AMBRA1: variants seen among roughly 807,000 people sequenced by gnomAD.
AMBRA1 encodes autophagy and beclin 1 regulator 1, also known as activating molecule in BECN1-regulated autophagy protein 1.
A neutral mutation model predicts 125.4 loss-of-function variants in AMBRA1; 47 were observed. That is an observed-to-expected ratio of 0.37 (90% confidence interval 0.30 to 0.48). The LOEUF (loss-of-function observed/expected upper bound fraction) is 0.48. AMBRA1 is among the 20% of genes least tolerant of loss of function. AMBRA1 has a pLI of 0.99. For synonymous variants in AMBRA1, 626 were observed against 655.5 expected, an observed-to-expected ratio of 0.95 and a Z score of 0.69; for missense variants, 1,331 against 1,693.4, an observed-to-expected ratio of 0.79 and a Z score of 3.76.
rs143394285 is a variant in AMBRA1, at chr11:46,510,522, A to G, written c.2160-2152T>C. Among the ~76,000 whole-genome samples the G allele has an allele frequency of 6.3e-3, 959 of 152,344 alleles. 12 individuals are homozygous for G. Among genetic ancestry groups the G allele is most frequent in the African/African-American group, 0.022 (912 of 41,574 alleles). On this transcript the variant is annotated intron_variant, in intron 8 of 17. Coordinates refer to ENST00000683756, the MANE Select transcript of AMBRA1 (RefSeq NM_001387011.1). The stretch of plus-strand genomic sequence containing the variant: ...TATTTGGAACCGATTCTGAAAAGTG[A>G]TAAGTACACTTACTTTATAGGCTAC...
At chr11:46,526,330 TC>T (rs1265912315) in intron 7 of AMBRA1, among the ~76,000 whole-genome samples, 1 of 151,908 alleles carries the variant, frequency 6.6e-6, no homozygotes, top group Non-Finnish European at 1.5e-5. Context: ...CCTTGTGTGG[TC>T]CCCTCCCACA....
At chr11:46,523,137 C>T (rs371104625) in intron 7 of AMBRA1, among the ~76,000 whole-genome samples, 1 of 152,218 alleles carries the variant, frequency 6.6e-6, no homozygotes, top group East Asian at 1.9e-4. Context: ...AAACAATCCA[C>T]TGTTAGCCCT....
intron 12 of AMBRA1, among the ~76,000 whole-genome samples, chr11:46,435,711 C>G (rs1352723047): frequency 6.6e-6 from 1 of 152,198 alleles, no homozygotes; most frequent in Non-Finnish European, 1.5e-5. Flanking sequence ...CATGACAGCC[C>G]TAGTCTGCAC....
intron 15 of AMBRA1, among the ~76,000 whole-genome samples, chr11:46,413,610 C>T (rs1004709577): frequency 6.6e-6 from 1 of 152,202 alleles, no homozygotes; most frequent in African/African-American, 2.4e-5. Context: ...CCTGCCTCAG[C>T]CTCCCGAGTA....
At chr11:46,585,160 G>A (rs190766278) in intron 1 of AMBRA1, among the ~76,000 whole-genome samples, 88 of 152,148 alleles carry the variant, frequency 5.8e-4, no homozygotes, top group African/African-American at 1.8e-3. Context: ...CAGCATGCTC[G>A]TTAAGAGTCA....
intron 11 of AMBRA1, among the ~76,000 whole-genome samples, chr11:46,484,867 G>A (rs570174789): frequency 4.8e-4 from 72 of 150,780 alleles, no homozygotes; most frequent in African/African-American, 1.6e-3. Flanking sequence ...GGATGATCTC[G>A]ATCTCCTGAC....
intron 1 of AMBRA1, among the ~76,000 whole-genome samples, chr11:46,589,942 A>G (rs1217299842): frequency 6.6e-6 from 1 of 152,050 alleles, no homozygotes; most frequent in African/African-American, 2.4e-5. Flanking sequence ...CAACTTAAAC[A>G]GACAACATTC....
At position 46,397,851 on chromosome 11, in the gene AMBRA1, G is replaced by A. The variant is rs770437654; in HGVS notation, c.3496C>T (p.Arg1166Trp). 6 of 1,601,390 alleles carry A rather than the reference G, an allele frequency of 3.7e-6. No individual in the cohort carries two copies. The highest frequency in any genetic ancestry group is 1.7e-5 in the Admixed American group (1 of 60,000). Residue 1166 changes from arginine to tryptophan, a missense_variant, in exon 18 of 18, where the codon CGG (arginine) becomes TGG (tryptophan). Physicochemically the swap from Arg to Trp is moderately radical, Grantham distance 101. Coordinates refer to ENST00000683756, the MANE Select transcript of AMBRA1 (RefSeq NM_001387011.1). ...GAGGCCATGGTGGTGCTCTGCTCCC[G>A]CTGCACCACGGCTGTCATGCCGCCC... ...AEGGMTAVVQ[R>W]EQSTTMASMG...
At position 46,508,282 on chromosome 11, in the gene AMBRA1, G is replaced by C; in HGVS notation, c.2248C>G (p.Gln750Glu). 1 of 1,614,236 alleles carries C rather than the reference G, an allele frequency of 6.2e-7. No individual in the cohort carries two copies. The highest frequency in any genetic ancestry group is 8.5e-7 in the Non-Finnish European group (1 of 1,180,026). ...SIRQRSMRYQ[Q>E]NRLRSSTSSS... ...GAGGTGGAAGAACGGAGACGGTTCTGTTGGTAGCGCATGGAGCGCTGGCGA... is the reference window on the plus strand; with the variant it reads ...GAGGTGGAAGAACGGAGACGGTTCTCTTGGTAGCGCATGGAGCGCTGGCGA... The change falls in exon 9 of 18, where the codon CAG becomes GAG. Residue 750 changes from glutamine (Q) to glutamate (E), a missense_variant. Physicochemically the swap from Gln to Glu is conservative, Grantham distance 29. Around this residue, in one of 4 missense-constraint regions of AMBRA1, gnomAD observed 689 missense variants for 776.5 expected, o/e 0.89. Transcript: ENST00000683756.
At chr11:46,433,408 C>T in intron 14 of AMBRA1, 66 bp downstream of exon 14, 1 of 1,561,894 alleles carries the variant, frequency 6.4e-7, no homozygotes, top group Non-Finnish European at 8.7e-7. Flanking sequence ...ACACCACTGT[C>T]CCCTCATTAC....
At chr11:46,557,390 C>G (rs2135225605) in intron 1 of AMBRA1, among the ~76,000 whole-genome samples, 1 of 152,140 alleles carries the variant, frequency 6.6e-6, no homozygotes, top group Non-Finnish European at 1.5e-5. Context: ...CCACAAAGCC[C>G]TGTAAACAGT....
chr11:46,493,897 TC>T, intron 10 of AMBRA1, 189 bp from the exon 11 acceptor site: 1 of 635,878 alleles, frequency 1.6e-6, no homozygotes, highest in Non-Finnish European at 2.7e-6. Context: ...CTTCTAAAGT[TC>T]CCCCAACACT....
chr11:46,460,658 C>G (rs1389891957), intron 11 of AMBRA1, among the ~76,000 whole-genome samples: 1 of 152,164 alleles, frequency 6.6e-6, no homozygotes, highest in Admixed American at 6.5e-5. Context: ...CAATATTTTA[C>G]TAATATATTA....
intron 11 of AMBRA1, among the ~76,000 whole-genome samples, chr11:46,452,999 C>T (rs1292236352): frequency 6.6e-6 from 1 of 152,162 alleles, no homozygotes; most frequent in Non-Finnish European, 1.5e-5. Flanking sequence ...GTTATGTAAC[C>T]ATCAGCAAAT....
chr11:46,525,196 G>A (rs1951915784), intron 7 of AMBRA1, among the ~76,000 whole-genome samples: 1 of 152,188 alleles, frequency 6.6e-6, no homozygotes. Flanking sequence ...AGCTACTTGG[G>A]AGGCTGAGGC....
intron 1 of AMBRA1, among the ~76,000 whole-genome samples, chr11:46,590,940 G>C (rs1009484676): frequency 6.7e-6 from 1 of 149,836 alleles, no homozygotes; most frequent in South Asian, 2.1e-4. Context: ...AAAACAAAAA[G>C]AAAAAAAGCT....
At chr11:46,481,738 C>T (rs953598215) in intron 11 of AMBRA1, among the ~76,000 whole-genome samples, 6 of 152,296 alleles carry the variant, frequency 3.9e-5, no homozygotes, top group African/African-American at 1.2e-4. Context: ...TCAGATCACA[C>T]CCCATGGTGG....
At chr11:46,545,178 T>G (rs1001057761) in intron 5 of AMBRA1, among the ~76,000 whole-genome samples, 5,199 of 29,002 alleles carry the variant, frequency 0.18, 6 homozygotes, top group East Asian at 0.22. Context: ...GGGGGGGTGG[T>G]GGTGGGCATG....
intron 14 of AMBRA1, among the ~76,000 whole-genome samples, chr11:46,419,507 ACTG>A (rs1946740619): frequency 2.0e-5 from 3 of 152,226 alleles, no homozygotes; most frequent in African/African-American, 7.2e-5. Flanking sequence ...CTAAATAGTA[ACTG>A]CTATTATTGC....
Sources: allele counts gnomAD v4.1 joint callset (sites outside exome capture counted in the v4.1 genomes callset), GRCh38; gene constraint gnomAD v4.1.1; regional missense constraint gnomAD v4.1.1; transcripts MANE v1.5; gene names NCBI Gene and HGNC (gene_info 2026-07-23, HGNC 2026-07-21).